Variants in GIMAP8 observed in about 807,000 individuals in gnomAD.
GIMAP8 encodes the protein GTPase IMAP family member 8.
Under a neutral mutation model 35.6 loss-of-function variants are expected in GIMAP8, and 29 were observed. The ratio of observed to expected loss-of-function variants is 0.81; its 90% CI spans 0.61 to 1.11. The LOEUF is 1.11. Among genes scored for constraint, GIMAP8 ranks in the 50% most tolerant of loss-of-function variants. The pLI is 0.00. For missense variants in GIMAP8, 811 were observed against 805.0 expected, an observed-to-expected ratio of 1.01 and a Z score of -0.09; for synonymous variants, 335 against 308.7, an observed-to-expected ratio of 1.09 and a Z score of -0.89.
At position 150,472,490 on chromosome 7, in the gene GIMAP8, T is replaced by C. The variant is rs554463090; in HGVS notation, c.683-1522T>C. ...ACTCGTGTCTGATTTTCTGTAATACTGTGGATGAGAGACAGGAGGGTGCCA... is the reference window on the plus strand; with the variant it reads ...ACTCGTGTCTGATTTTCTGTAATACCGTGGATGAGAGACAGGAGGGTGCCA... On this transcript the variant is annotated intron_variant, in intron 3 of 4. Coordinates refer to ENST00000307271, the MANE Select transcript of GIMAP8 (RefSeq NM_175571.4). The surrounding 1 kb of genome is among the most constrained non-coding windows in gnomAD (Gnocchi z 4.1). 6.6e-6 allele frequency among the ~76,000 whole-genome samples: 1 copy of C among 152,158 alleles called. No individual in the cohort carries two copies. The highest frequency in any genetic ancestry group is 1.5e-5 in the Non-Finnish European group (1 of 68,030).
At chr7:150,456,610 C>T (rs1208910258) in intron 1 of GIMAP8, among the ~76,000 whole-genome samples, 1 of 152,196 alleles carries the variant, frequency 6.6e-6, no homozygotes, top group Non-Finnish European at 1.5e-5. Context: ...GCCCCTTTTA[C>T]CATGTAAAGT....
At position 150,478,040 on chromosome 7, in the gene GIMAP8, A is replaced by G. The variant is rs1397310316; in HGVS notation, c.*260A>G. On this transcript the variant is annotated 3_prime_UTR_variant, in exon 5 of 5. Coordinates refer to ENST00000307271, the MANE Select transcript of GIMAP8 (RefSeq NM_175571.4). ...AAAGATTTCAGACATTAGGCTGATA[A>G]TAAGTGGTAGAATCAAGTCACAAGA... 1 of 501,094 alleles carries G rather than the reference A, an allele frequency of 2.0e-6. No individual in the cohort carries two copies. Among genetic ancestry groups the G allele is most frequent in the Non-Finnish European group, 3.5e-6 (1 of 283,124 alleles). The allele number at this position is 501,094 out of a possible 1,614,324, so 31.0% of individuals were successfully genotyped here. A position where few individuals can be genotyped will look rare whatever the true frequency, so the allele number is the denominator to read the frequency against.
chr7:150,473,937 G>A (rs951422069), intron 3 of GIMAP8, 75 bp from the exon 4 acceptor site: 24 of 1,467,620 alleles, frequency 1.6e-5, no homozygotes, highest in African/African-American at 2.8e-5. Flanking sequence ...TTGCAGGGAT[G>A]AGAAATCATA....
chr7:150,457,528 T>A (rs1163741029), intron 1 of GIMAP8, among the ~76,000 whole-genome samples: 1 of 152,130 alleles, frequency 6.6e-6, no homozygotes, highest in Non-Finnish European at 1.5e-5. Flanking sequence ...TTTAGAAACC[T>A]AAAAATAGGC....
chr7:150,459,879 G>T (rs1253559103), intron 1 of GIMAP8, among the ~76,000 whole-genome samples: 1 of 152,232 alleles, frequency 6.6e-6, no homozygotes, highest in Non-Finnish European at 1.5e-5. Flanking sequence ...AGCATTGTGT[G>T]CAGGGAAGGC....
At chr7:150,458,263 AT>A (rs1801772924) in intron 1 of GIMAP8, among the ~76,000 whole-genome samples, 1 of 152,204 alleles carries the variant, frequency 6.6e-6, no homozygotes, top group African/African-American at 2.4e-5. Context: ...TCAGGAAAGA[AT>A]TGCAGTTTAG....
chr7:150,467,300 A>T lies in GIMAP8; in HGVS notation c.602A>T (p.His201Leu). Residue 201 changes from histidine to leucine, a missense_variant, in exon 2 of 5, where the codon CAT (histidine) becomes CTT (leucine). Coordinates refer to ENST00000307271, the MANE Select transcript of GIMAP8 (RefSeq NM_175571.4). ...SLVNTNGGPY[H>L]VNFKTEGSRF... Reference sequence around the variant, plus strand: ...GTGAATACGAACGGAGGACCCTATCATGTGAACTTCAAAACTGAAGGCAGC... The same window carrying T: ...GTGAATACGAACGGAGGACCCTATCTTGTGAACTTCAAAACTGAAGGCAGC... The T allele has an allele frequency of 6.2e-7, 1 of 1,613,326 alleles. No individual in the cohort carries two copies. Among genetic ancestry groups the T allele is most frequent in the Non-Finnish European group, 8.5e-7 (1 of 1,179,288 alleles).
chr7:150,463,181 T>C (rs1008205141), intron 1 of GIMAP8, among the ~76,000 whole-genome samples: 1 of 151,634 alleles, frequency 6.6e-6, no homozygotes, highest in Non-Finnish European at 1.5e-5. Context: ...AGGATTTCCA[T>C]TTGGTTCCTT....
Position 150,474,495 on chromosome 7 carries a change from T to C in GIMAP8, c.1166T>C (p.Ile389Thr). 1.2e-6 allele frequency: 2 copies of C among 1,613,900 alleles called. No individual in the cohort carries two copies. The highest frequency in any genetic ancestry group is 1.7e-6 in the Non-Finnish European group (2 of 1,179,914). ...RNSNKALYGL[I>T]QKCKNRYSAF... ...AGCAATAAAGCTCTCTATGGTCTCA[T>C]CCAGAAGTGTAAAAACAGATATAGT... is the stretch of plus-strand genomic sequence containing the variant. Residue 389 changes from isoleucine (I) to threonine (T), a missense_variant, in exon 4 of 5, where the codon ATC becomes ACC. By Grantham distance (89) the Ile-to-Thr change is moderately conservative. Coordinates refer to ENST00000307271, the MANE Select transcript of GIMAP8 (RefSeq NM_175571.4).
rs1189928677 is a variant in GIMAP8, at chr7:150,478,783, A to C, written c.*1003A>C. 6.6e-6 allele frequency: 1 copy of C among 152,212 alleles called. No individual in the cohort carries two copies. Among genetic ancestry groups the C allele is most frequent in the Middle Eastern group, 3.1e-3 (1 of 318 alleles). 9.4% of individuals were successfully genotyped at this position (152,212 alleles called of 1,614,324 possible). On this transcript the variant is annotated 3_prime_UTR_variant, in exon 5 of 5. Coordinates refer to ENST00000307271, the MANE Select transcript of GIMAP8 (RefSeq NM_175571.4). ...TGTTCTATCTTTCTGTCCCACCTGC[A>C]CTGGGATGTGGCTTCTACACTCGAA... is the stretch of plus-strand genomic sequence containing the variant.
chr7:150,461,601 GCTTTACA>G (rs1230966133), intron 1 of GIMAP8, among the ~76,000 whole-genome samples: 1 of 151,926 alleles, frequency 6.6e-6, no homozygotes, highest in Non-Finnish European at 1.5e-5. Flanking sequence ...CATTCTATGT[GCTTTACA>G]GAGGAAGTGA....
At chr7:150,464,786 C>A (rs1486671106) in intron 1 of GIMAP8, among the ~76,000 whole-genome samples, 2 of 152,186 alleles carry the variant, frequency 1.3e-5, no homozygotes, top group Admixed American at 6.5e-5. Flanking sequence ...AGATTGTTTT[C>A]TTTAAAATTT....
In GIMAP8 at chr7:150,466,770, T is replaced by C. The variant is rs777803867; in HGVS notation, c.72T>C (p.Ser24=). 1.1e-5 allele frequency: 17 copies of C among 1,614,184 alleles called. No homozygotes were observed. Among genetic ancestry groups the C allele is most frequent in the Non-Finnish European group, 1.4e-5 (17 of 1,180,016 alleles). ...TGGGAAAATGCCGCTCGGGAAAAAG[T>C]GCCACAGGAAATGCCATTCTGGGCA... The part of the protein sequence containing the change: ...LLLGKCRSGK[S]ATGNAILGKH... The change falls in exon 2 of 5, where the codon AGT becomes AGC. Residue 24 remains serine (S), a synonymous_variant. Coordinates refer to ENST00000307271, the MANE Select transcript of GIMAP8 (RefSeq NM_175571.4).
At chr7:150,452,694 A>ATG in intron 1 of GIMAP8, among the ~76,000 whole-genome samples, 1 of 110,638 alleles carries the variant, frequency 9.0e-6, no homozygotes, top group Non-Finnish European at 1.9e-5. Flanking sequence ...ATATATATAT[A>ATG]TATATATATA....
chr7:150,477,619 C>T lies in GIMAP8; in HGVS notation c.1837C>T (p.Gln613Ter). 6.2e-7 allele frequency: 1 copy of T among 1,614,154 alleles called. No homozygotes were observed. The change falls in exon 5 of 5, where the codon CAG becomes TAG. Residue 613 changes from glutamine to a stop codon, truncating the protein, a stop_gained. Transcript: ENST00000307271. LOFTEE classifies it low-confidence loss of function (END_TRUNC). ...AGAAACAGGCCAGGCCCAGGAAACC[C>T]AGGTGAAAGCTCTTTTAACAAAGGT... ...NKETGQAQET[Q>*]VKALLTKVND...
At chr7:150,476,620 T>C (rs1040432788) in intron 4 of GIMAP8, among the ~76,000 whole-genome samples, 2 of 152,218 alleles carry the variant, frequency 1.3e-5, no homozygotes, top group Non-Finnish European at 2.9e-5. Flanking sequence ...ACAGAATAAT[T>C]CTTTAAATAC....
Position 150,467,363 on chromosome 7 carries a change from T to C in GIMAP8, c.636+29T>C, listed in dbSNP as rs375738160. ...AGAATTTTGTTAATATCTTGAAAGA[T>C]CTCTATGTTGCTGAACTAGTGGGAT... On this transcript the variant is annotated intron_variant, in intron 2 of 4. Coordinates refer to ENST00000307271, the MANE Select transcript of GIMAP8 (RefSeq NM_175571.4). The C allele has an allele frequency of 5.6e-5, 89 of 1,584,310 alleles. No homozygotes were observed. The Middle Eastern group carries it at 6.7e-4, about 12-fold the overall frequency.
intron 4 of GIMAP8, 23 bp downstream of exon 4, chr7:150,474,661 T>C: frequency 7.2e-7 from 1 of 1,389,906 alleles, no homozygotes; most frequent in Non-Finnish European, 9.7e-7. Context: ...ATAGGATATA[T>C]ATTTTTACAT....
chr7:150,467,362 A>G, intron 2 of GIMAP8, 28 bp downstream of exon 2: 1 of 1,584,542 alleles, frequency 6.3e-7, no homozygotes, highest in South Asian at 1.1e-5. Context: ...ATCTTGAAAG[A>G]TCTCTATGTT....
Sources: allele counts gnomAD v4.1 joint callset (sites outside exome capture counted in the v4.1 genomes callset), GRCh38; gene constraint gnomAD v4.1.1; non-coding constraint Gnocchi (gnomAD v3.1); transcripts MANE v1.5; gene names NCBI Gene and HGNC (gene_info 2026-07-23, HGNC 2026-07-21).